Variants in GRIA4 observed in about 807,000 individuals in gnomAD.
GRIA4 encodes glutamate receptor 4.
A neutral mutation model predicts 104.0 loss-of-function variants in GRIA4; 34 were observed. The ratio of observed to expected loss-of-function variants is 0.33; its 90% CI spans 0.25 to 0.44. The LOEUF (loss-of-function observed/expected upper bound fraction) is 0.44. GRIA4 is among the 20% of genes least tolerant of loss of function. The pLI, the probability that GRIA4 is intolerant of heterozygous loss-of-function variation, is 1.00. For synonymous variants in GRIA4, 386 were observed against 381.9 expected (o/e 1.01, Z -0.13); for missense variants, 750 against 1,096.5 (o/e 0.68, Z 4.46).
At position 105,811,950 on chromosome 11, in the gene GRIA4, T is replaced by G. The variant is rs139915158; in HGVS notation, c.488-50074T>G. ...TCTGTTCCTACCCCTGAGTTTCACC[T>G]CCTCCCCTCTCCCCCATGCTTTTTA... On this transcript the variant is annotated intron_variant, in intron 4 of 16. Transcript: ENST00000282499. Among the ~76,000 whole-genome samples, 315 of 152,200 alleles carry G rather than the reference T, an allele frequency of 2.1e-3. 2 individuals carry two copies. The highest frequency in any genetic ancestry group is 7.2e-3 in the African/African-American group (299 of 41,540).
intron 3 of GRIA4, among the ~76,000 whole-genome samples, chr11:105,668,911 G>A (rs1252742055): frequency 1.3e-5 from 2 of 151,410 alleles, no homozygotes; most frequent in African/African-American, 2.4e-5. Context: ...TAATATTGAC[G>A]ACTTTCCTGA....
chr11:105,906,134 T>G (rs1352110852), intron 9 of GRIA4, among the ~76,000 whole-genome samples: 1 of 152,244 alleles, frequency 6.6e-6, no homozygotes, highest in East Asian at 1.9e-4. Context: ...TAATGATAAC[T>G]GCAATTTATG....
At chr11:105,883,663 A>G (rs891499247) in intron 5 of GRIA4, among the ~76,000 whole-genome samples, 1 of 151,968 alleles carries the variant, frequency 6.6e-6, no homozygotes, top group African/African-American at 2.4e-5. Context: ...CATTTTCTTA[A>G]TCCAATCTAT....
intron 14 of GRIA4, among the ~76,000 whole-genome samples, chr11:105,962,076 C>T (rs1948758298): frequency 6.6e-6 from 1 of 152,096 alleles, no homozygotes; most frequent in Admixed American, 6.6e-5. Flanking sequence ...TAAAACTAAA[C>T]TTTACTAAAA....
intron 3 of GRIA4, among the ~76,000 whole-genome samples, chr11:105,731,331 A>G (rs1181933196): frequency 6.6e-6 from 1 of 152,204 alleles, no homozygotes; most frequent in Non-Finnish European, 1.5e-5. Flanking sequence ...ATGAGATACC[A>G]TCTCACACCA....
intron 3 of GRIA4, among the ~76,000 whole-genome samples, chr11:105,673,309 A>G (rs1952433305): frequency 2.0e-5 from 3 of 152,140 alleles, no homozygotes; most frequent in Non-Finnish European, 2.9e-5. Flanking sequence ...TGCTGAAACC[A>G]TGGATTTGAC....
chr11:105,959,851 T>C (rs1222882985), intron 14 of GRIA4, among the ~76,000 whole-genome samples: 1 of 152,204 alleles, frequency 6.6e-6, no homozygotes, highest in Non-Finnish European at 1.5e-5. Flanking sequence ...TGTTTTTCTT[T>C]CAATAATCAG....
In GRIA4 at chr11:105,981,662, T is replaced by G. The variant is rs1247183341; in HGVS notation, c.*1923T>G. 1 of 152,246 alleles carries G rather than the reference T, an allele frequency of 6.6e-6. No homozygotes were observed. Among genetic ancestry groups the G allele is most frequent in the African/African-American group, 2.4e-5 (1 of 41,328 alleles). 9.4% of individuals were successfully genotyped at this position (152,246 alleles called of 1,614,324 possible). On this transcript the variant is annotated 3_prime_UTR_variant, in exon 17 of 17. Coordinates refer to ENST00000282499, the MANE Select transcript of GRIA4 (RefSeq NM_000829.4). ...CCCTTCATGACCTGGCGCTTGCTTA[T>G]TTCTTCCAGGACTTCTCTCACTTCT...
At chr11:105,748,283 C>T (rs572907334) in intron 3 of GRIA4, among the ~76,000 whole-genome samples, 6 of 152,268 alleles carry the variant, frequency 3.9e-5, no homozygotes, top group African/African-American at 1.4e-4. Context: ...CTCATTACGT[C>T]ACCTGGGCTT....
At chr11:105,731,583 T>G (rs1192076569) in intron 3 of GRIA4, among the ~76,000 whole-genome samples, 2 of 152,154 alleles carry the variant, frequency 1.3e-5, no homozygotes, top group Non-Finnish European at 2.9e-5. Flanking sequence ...ACACGTATGT[T>G]TATTGCAGCA....
chr11:105,671,808 A>G (rs1484198256), intron 3 of GRIA4, among the ~76,000 whole-genome samples: 3 of 151,730 alleles, frequency 2.0e-5, no homozygotes, highest in African/African-American at 4.8e-5. Flanking sequence ...GTAACGTTCT[A>G]TTCCATTCTT....
At chr11:105,729,926 C>A (rs1938479657) in intron 3 of GRIA4, among the ~76,000 whole-genome samples, 1 of 152,200 alleles carries the variant, frequency 6.6e-6, no homozygotes, top group African/African-American at 2.4e-5. Context: ...CAATATCATA[C>A]TGAGTGGGCA....
intron 3 of GRIA4, among the ~76,000 whole-genome samples, chr11:105,632,925 T>C (rs890549519): frequency 6.6e-6 from 1 of 152,162 alleles, no homozygotes; most frequent in Non-Finnish European, 1.5e-5. Context: ...CAAAATAAAA[T>C]GCACATTTCA....
chr11:105,702,650 T>C (rs982549154), intron 3 of GRIA4, among the ~76,000 whole-genome samples: 2 of 150,670 alleles, frequency 1.3e-5, no homozygotes, highest in Admixed American at 6.6e-5. Flanking sequence ...TTTTCACATA[T>C]TAACACATGC....
At chr11:105,789,826 A>G (rs936228270) in intron 4 of GRIA4, among the ~76,000 whole-genome samples, 16 of 152,214 alleles carry the variant, frequency 1.1e-4, no homozygotes, top group African/African-American at 3.1e-4. Context: ...ATTATTGCTC[A>G]GGGTGACTTT....
intron 4 of GRIA4, among the ~76,000 whole-genome samples, chr11:105,837,673 T>C (rs1171343623): frequency 6.6e-6 from 1 of 152,164 alleles, no homozygotes; most frequent in Non-Finnish European, 1.5e-5. Flanking sequence ...TGAGGTTATT[T>C]CATACTACTA....
intron 3 of GRIA4, among the ~76,000 whole-genome samples, chr11:105,679,564 T>C (rs117228153): frequency 0.021 from 3,215 of 152,252 alleles, 51 homozygotes; most frequent in Middle Eastern, 0.068. Context: ...CCCTGGGTGA[T>C]ATTTACTGTT....
At position 105,898,280 on chromosome 11, in the gene GRIA4, T is replaced by C. The variant is rs1305716273; in HGVS notation, c.738T>C (p.Asp246=). ...ATTAATTTTTATAGGGATTCAAGGA[T>C]ATTTCTCTTGAGAGGTTTATACATG... ...HYIIANLGFK[D]ISLERFIHGG... The change falls in exon 7 of 17, where the codon GAT becomes GAC. Residue 246 remains aspartate (D), a synonymous_variant. Coordinates refer to ENST00000282499, the MANE Select transcript of GRIA4 (RefSeq NM_000829.4). 2.6e-6 allele frequency: 4 copies of C among 1,538,646 alleles called. No homozygotes were observed. The highest frequency in any genetic ancestry group is 2.3e-5 in the East Asian group (1 of 44,350).
chr11:105,782,610 G>A (rs1441084360), intron 4 of GRIA4, among the ~76,000 whole-genome samples: 1 of 152,140 alleles, frequency 6.6e-6, no homozygotes, highest in African/African-American at 2.4e-5. Flanking sequence ...GATACTCTCT[G>A]GGGTCTGTGA....
Sources: gnomAD v4.1 joint callset for allele counts (sites outside exome capture counted in the v4.1 genomes callset) on GRCh38, gnomAD v4.1.1 for gene constraint, MANE v1.5 for transcripts, NCBI Gene and HGNC (gene_info 2026-07-23, HGNC 2026-07-21) for gene names.